Variants in LUC7L observed in about 807,000 individuals in gnomAD.
The protein encoded by LUC7L is LUC7 like, also known as putative RNA-binding protein Luc7-like 1.
Under a neutral mutation model 51.1 loss-of-function variants are expected in LUC7L, and 29 were observed. That is an observed-to-expected ratio of 0.57 (90% CI 0.42 to 0.77). The LOEUF (loss-of-function observed/expected upper bound fraction) is 0.77. Ranked by LOEUF, LUC7L falls within the 30% of genes least tolerant of loss-of-function variation. The probability of loss-of-function intolerance (pLI) is 0.00; values close to 1 mark genes in which losing one functional copy is unlikely to be tolerated. For synonymous variants in LUC7L, 181 were observed against 180.7 expected, an observed-to-expected ratio of 1.00 and a Z score of -0.01; for missense variants, 403 against 511.9, an observed-to-expected ratio of 0.79 and a Z score of 2.05.
intron 6 of LUC7L, 64 bp downstream of exon 6, chr16:198,998 A>T (rs1030664487): frequency 3.4e-6 from 5 of 1,474,722 alleles, no homozygotes; most frequent in Non-Finnish European, 3.6e-6. Context: ...AGGTTTTTAA[A>T]AATTAAAGAA....
chr16:200,152 G>A (rs939675514), intron 5 of LUC7L, among the ~76,000 whole-genome samples: 1 of 152,156 alleles, frequency 6.6e-6, no homozygotes, highest in Non-Finnish European at 1.5e-5. Flanking sequence ...GCCGGGCGCG[G>A]TGGCTCACGC....
chr16:192,943 C>A lies in LUC7L; in HGVS notation c.760G>T (p.Glu254Ter). The change falls in exon 7 of 10, where the codon GAG (glutamate) becomes TAG (stop). Residue 254 changes from glutamate to a stop codon, truncating the protein, a stop_gained. Coordinates refer to ENST00000293872, the MANE Select transcript of LUC7L (RefSeq NM_201412.3). LOFTEE classifies it high-confidence loss of function. Reference protein sequence around the residue: ...LRRREEREREERLSRRSGSRT... With the variant: ...LRRREERERE Reference sequence around the variant, plus strand: ...CAGGCTCACCTCCTGCTCAGACGCTCCTCCCGTTCCCTCTCCTCTCTCCTC... The same window carrying A: ...CAGGCTCACCTCCTGCTCAGACGCTACTCCCGTTCCCTCTCCTCTCTCCTC... 6.2e-7 allele frequency: 1 copy of A among 1,613,156 alleles called. No homozygotes were observed. Among genetic ancestry groups the A allele is most frequent in the Non-Finnish European group, 8.5e-7 (1 of 1,179,990 alleles).
At chr16:190,788 G>A (rs2048991453) in intron 7 of LUC7L, 2 of 547,646 alleles carry the variant, frequency 3.7e-6, no homozygotes, top group African/African-American at 1.9e-5. Context: ...ACTGAGGCAG[G>A]AAAATCACTT....
Position 194,250 on chromosome 16 carries a change from G to A in LUC7L, c.688-1235C>T, listed in dbSNP as rs190905607. On this transcript the variant is annotated intron_variant, in intron 6 of 9. Coordinates refer to ENST00000293872, the MANE Select transcript of LUC7L (RefSeq NM_201412.3). Reference sequence around the variant, plus strand: ...CTCCTGAGTAGCTGGGACTATAGGCGTGTGCCACCATGGCAGACTAATCTT... The same window carrying A: ...CTCCTGAGTAGCTGGGACTATAGGCATGTGCCACCATGGCAGACTAATCTT... Among the ~76,000 whole-genome samples, 839 of 152,256 alleles carry A rather than the reference G, an allele frequency of 5.5e-3. 4 individuals are homozygous for A. Among genetic ancestry groups the A allele is most frequent in the Non-Finnish European group, 9.6e-3 (650 of 68,016 alleles).
At chr16:219,874 A>C (rs2049917161) in intron 3 of LUC7L, among the ~76,000 whole-genome samples, 1 of 152,180 alleles carries the variant, frequency 6.6e-6, no homozygotes, top group Non-Finnish European at 1.5e-5. Context: ...CGTCTCAAAA[A>C]AAAAAAAAGA....
At chr16:195,080 T>C (rs3859141) in intron 6 of LUC7L, among the ~76,000 whole-genome samples, 66,682 of 151,970 alleles carry the variant, frequency 0.44, 15,321 homozygotes, top group Non-Finnish European at 0.51. Flanking sequence ...CCCATGCTCA[T>C]CCTGTGTCTG....
Position 229,082 on chromosome 16 carries a change from C to A in LUC7L, c.61+197G>T. The A allele has an allele frequency of 2.8e-6, 4 of 1,410,608 alleles. No individual in the cohort carries two copies. In the South Asian group the frequency reaches 6.2e-5, roughly 22 times the overall value. The allele number at this position is 1,410,608 out of a possible 1,614,324, so 87.4% of individuals were successfully genotyped here. A position where few individuals can be genotyped will look rare whatever the true frequency, so the allele number is the denominator to read the frequency against. ...TGGCGCAGACTCCGAGAGAGGAGCC[C>A]GACCTGGACCCACGGCCGCCTCAGA... On this transcript the variant is annotated intron_variant, in intron 1 of 9. Transcript: ENST00000293872.
chr16:201,472 C>T lies in LUC7L; in HGVS notation c.511-2234G>A, dbSNP rs1019434124. Among the ~76,000 whole-genome samples the T allele has an allele frequency of 2.0e-5, 3 of 151,052 alleles. No individual in the cohort carries two copies. The East Asian group carries it at 5.8e-4, about 29-fold the overall frequency. On this transcript the variant is annotated intron_variant, in intron 5 of 9. Transcript: ENST00000293872. ...TTTTTTTTTTTGAGACGGAGTCTCG[C>T]TCTGTCGCCCAGCCTGGAATGCAGT...
At chr16:214,180 G>A (rs536829472) in intron 3 of LUC7L, among the ~76,000 whole-genome samples, 1 of 152,106 alleles carries the variant, frequency 6.6e-6, no homozygotes, top group African/African-American at 2.4e-5. Flanking sequence ...CTATTCTCCT[G>A]CCTCAGCTTC....
At chr16:219,448 G>A (rs186758768) in intron 3 of LUC7L, among the ~76,000 whole-genome samples, 72 of 152,150 alleles carry the variant, frequency 4.7e-4, no homozygotes, top group African/African-American at 1.7e-3. Context: ...AGACATGGTC[G>A]TGTGCATCTG....
intron 3 of LUC7L, among the ~76,000 whole-genome samples, chr16:215,577 C>G (rs895515951): frequency 6.7e-6 from 1 of 149,612 alleles, no homozygotes; most frequent in South Asian, 2.1e-4. Context: ...CCGAGATCAT[C>G]GCGCCATTGC....
Position 227,306 on chromosome 16 carries a change from G to A in LUC7L, c.92C>T (p.Thr31Ile), listed in dbSNP as rs1417764408. Residue 31 changes from threonine to isoleucine, a missense_variant, in exon 2 of 10, where the codon ACA (threonine) becomes ATA (isoleucine). This residue lies in a region of LUC7L where 182 missense variants were observed against 248.4 expected (regional missense o/e 0.73). Transcript: ENST00000293872. ...GTGACTCTTGCAGACACGGTCATCT[G>A]TAAACTTGACCCTCTGTCTGGTTTC... ...GDETRQRVKF[T>I]DDRVCKSHLL... 1.2e-6 allele frequency: 2 copies of A among 1,611,846 alleles called. No individual in the cohort carries two copies. Among genetic ancestry groups the A allele is most frequent in the Non-Finnish European group, 1.7e-6 (2 of 1,178,910 alleles).
chr16:211,148 T>C lies in LUC7L; in HGVS notation c.256-2960A>G, dbSNP rs76266171. On this transcript the variant is annotated intron_variant, in intron 3 of 9. Coordinates refer to ENST00000293872, the MANE Select transcript of LUC7L (RefSeq NM_201412.3). ...GAGTCTGAGACCAGCCTGGCCAGTA[T>C]GGTGAAACCCCATCTCTACTAAAAA... 1.1e-3 allele frequency among the ~76,000 whole-genome samples: 155 copies of C among 140,766 alleles called. 2 individuals carry two copies. In the East Asian group the frequency reaches 0.026, roughly 24 times the overall value. The allele number at this position is 140,766 out of a possible 152,430, so 92.3% of individuals were successfully genotyped here.
At chr16:218,951 A>C (rs1482364125) in intron 3 of LUC7L, among the ~76,000 whole-genome samples, 1 of 103,576 alleles carries the variant, frequency 9.7e-6, no homozygotes, top group Non-Finnish European at 2.0e-5. Flanking sequence ...AAAAAAAAAA[A>C]GGCCGGGTGT....
At chr16:227,105 G>A (rs1200245891) in intron 2 of LUC7L, 137 bp downstream of exon 2, 3 of 660,676 alleles carry the variant, frequency 4.5e-6, no homozygotes, top group Non-Finnish European at 8.0e-6. Flanking sequence ...CATACGAGTG[G>A]AGGAACACCT....
At chr16:204,789 C>T (rs974600767) in intron 5 of LUC7L, among the ~76,000 whole-genome samples, 2 of 152,112 alleles carry the variant, frequency 1.3e-5, no homozygotes, top group African/African-American at 4.8e-5. Flanking sequence ...CTTGTAATAT[C>T]ATGGCTGTTC....
Position 189,165 on chromosome 16 carries a change from TATCAG to T in LUC7L, c.*28_*32del. The T allele has an allele frequency of 6.3e-7, 1 of 1,589,402 alleles. No homozygotes were observed. Among genetic ancestry groups the T allele is most frequent in the Non-Finnish European group, 8.6e-7 (1 of 1,163,248 alleles). On this transcript the variant is annotated 3_prime_UTR_variant, in exon 10 of 10. Transcript: ENST00000293872. ...GGTAATTTTAGACTGTGTGAACGTT[TATCAG>T]ACTATTTACAGCACCCGGGAGACGG...
At chr16:229,215 GCCGCCCGGCGGC>G in intron 1 of LUC7L, 52 bp downstream of exon 1, 1 of 1,509,872 alleles carries the variant, frequency 6.6e-7, no homozygotes, top group Non-Finnish European at 8.8e-7. Flanking sequence ...CCCGCCTCAG[GCCGCCCGGCGGC>G]CTCGCCTCAC....
chr16:203,092 A>G (rs2049378928), intron 5 of LUC7L, among the ~76,000 whole-genome samples: 1 of 152,210 alleles, frequency 6.6e-6, no homozygotes, highest in Admixed American at 6.5e-5. Context: ...TGGAGGTTGC[A>G]GCGAGCCATC....
Sources: gnomAD v4.1 joint callset for allele counts (sites outside exome capture counted in the v4.1 genomes callset) on GRCh38, gnomAD v4.1.1 for gene constraint, gnomAD v4.1.1 regional missense constraint, MANE v1.5 for transcripts, NCBI Gene and HGNC (gene_info 2026-07-23, HGNC 2026-07-21) for gene names.